The following CGGBP1 variants were observed in gnomAD, a reference collection of about 807,000 sequenced individuals.
The protein encoded by CGGBP1 is CGG triplet repeat binding protein 1.
Under a neutral mutation model 11.4 loss-of-function variants are expected in CGGBP1, and 4 were observed. The ratio of observed to expected loss-of-function variants is 0.35; its 90% confidence interval spans 0.17 to 0.80. CGGBP1 has a LOEUF of 0.80. Among genes scored for constraint, CGGBP1 ranks in the 30% least tolerant of loss-of-function variants. CGGBP1 has a pLI of 0.52. For synonymous variants in CGGBP1, 76 were observed against 74.1 expected (o/e 1.03, Z -0.13); for missense variants, 135 against 202.1 (o/e 0.67, Z 2.01).
At chr3:88,148,848 C>T (rs1337758658) in intron 1 of CGGBP1, among the ~76,000 whole-genome samples, 1 of 152,090 alleles carries the variant, frequency 6.6e-6, no homozygotes, top group Admixed American at 6.5e-5. Flanking sequence ...TTTATGTTGG[C>T]CGGGCTGGTC....
chr3:88,062,528 T>TA (rs1706943142), upstream of CGGBP1, among the ~76,000 whole-genome samples: 1 of 152,204 alleles, frequency 6.6e-6, no homozygotes, highest in Non-Finnish European at 1.5e-5. Flanking sequence ...ATTGTCTGAC[T>TA]TGTTAAGTGC....
intron 2 of CGGBP1, among the ~76,000 whole-genome samples, chr3:88,087,137 G>C (rs1384515578): frequency 1.3e-5 from 2 of 151,954 alleles, no homozygotes; most frequent in African/African-American, 4.8e-5. Flanking sequence ...GGAGTGCAGT[G>C]GTGTGATCTT....
intron 2 of CGGBP1, among the ~76,000 whole-genome samples, chr3:88,099,485 T>C (rs137863273): frequency 0.067 from 10,253 of 152,184 alleles, 476 homozygotes; most frequent in Non-Finnish European, 0.1. Flanking sequence ...ACTTTAAAGC[T>C]CATACGGAAC....
At chr3:88,082,151 G>A (rs1440778600) in intron 2 of CGGBP1, among the ~76,000 whole-genome samples, 1 of 147,664 alleles carries the variant, frequency 6.8e-6, no homozygotes, top group African/African-American at 2.5e-5. Flanking sequence ...TTTTTGAGAT[G>A]GAGTCTCGCT....
chr3:88,067,374 TTAACAGAAG>T (rs1707258120), intron 2 of CGGBP1, among the ~76,000 whole-genome samples: 1 of 152,208 alleles, frequency 6.6e-6, no homozygotes, highest in South Asian at 2.1e-4. Flanking sequence ...ATAGCTGGAC[TTAACAGAAG>T]CCAGAGCTCA....
At chr3:88,126,285 C>G (rs927341911) in intron 2 of CGGBP1, 4 of 1,458,650 alleles carry the variant, frequency 2.7e-6, no homozygotes, top group East Asian at 2.5e-5. Flanking sequence ...TCAGGAGATT[C>G]AAAATCAAAC....
exon 1 of CGGBP1, chr3:88,149,789 C>T (rs1415659612): frequency 1.4e-5 from 6 of 430,536 alleles, no homozygotes; most frequent in Non-Finnish European, 2.6e-5. Context: ...TGCGGATAGT[C>T]TATGTTCTCC....
At chr3:88,123,831 C>T (rs115312628) in intron 2 of CGGBP1, among the ~76,000 whole-genome samples, 15 of 152,214 alleles carry the variant, frequency 9.9e-5, no homozygotes, top group Non-Finnish European at 1.5e-4. Flanking sequence ...TTGATTGGAC[C>T]AAAAGCTAGC....
upstream of CGGBP1, among the ~76,000 whole-genome samples, chr3:88,060,127 TA>T (rs953783262): frequency 2.6e-5 from 4 of 152,278 alleles, no homozygotes; most frequent in Middle Eastern, 0.014. Flanking sequence ...TCTTTTTTTT[TA>T]ACCTCCTTCG....
chr3:88,113,820 ATATCT>A (rs59427021), intron 2 of CGGBP1, among the ~76,000 whole-genome samples: 118,710 of 151,638 alleles, frequency 0.78, 47,379 homozygotes, highest in South Asian at 0.91. Context: ...TACAGACAAC[ATATCT>A]TATATTTGTT....
At chr3:88,064,057 C>A (rs1392884766) in intron 2 of CGGBP1, among the ~76,000 whole-genome samples, 4 of 150,372 alleles carry the variant, frequency 2.7e-5, no homozygotes, top group African/African-American at 9.7e-5. Context: ...GCCTATGATT[C>A]TGTCAGTATG....
rs748246482 is a variant in CGGBP1 at position 88,140,452 on chromosome 3, T to C, written c.-229+518A>G. The C allele has an allele frequency of 3.7e-6, 6 of 1,613,584 alleles. No homozygotes were observed. The Admixed American group carries it at 5.0e-5, about 13-fold the overall frequency. Reference sequence around the variant, plus strand: ...GAGTCTACAGAACCAAAGACATGTATAGAAAGTATGGAAAAGAAAACAGAC... The same window carrying C: ...GAGTCTACAGAACCAAAGACATGTACAGAAAGTATGGAAAAGAAAACAGAC... On this transcript the variant is annotated intron_variant, in intron 2 of 3. Transcript: ENST00000462901.
Position 88,093,732 on chromosome 3 carries a change from G to T in CGGBP1, c.-228-35509C>A, listed in dbSNP as rs115170750. ...AGCATTTATGCCTAGCCTAACTTCAGTCTCTACTCTATAATCAAGTTTTAC... is the reference window on the plus strand; with the variant it reads ...AGCATTTATGCCTAGCCTAACTTCATTCTCTACTCTATAATCAAGTTTTAC... On this transcript the variant is annotated intron_variant, in intron 2 of 3. Transcript: ENST00000462901. 3.2e-3 allele frequency among the ~76,000 whole-genome samples: 485 copies of T among 152,284 alleles called. 2 individuals are homozygous for T. The highest frequency in any genetic ancestry group is 0.011 in the African/African-American group (465 of 41,568).
upstream of CGGBP1, chr3:88,059,348 C>T (rs1225922908): frequency 6.5e-7 from 1 of 1,534,824 alleles, no homozygotes; most frequent in Non-Finnish European, 8.7e-7. Flanking sequence ...GACCAAGAGG[C>T]CGAACGCCTC....
rs780954372 is a variant in CGGBP1 at position 88,055,999 on chromosome 3, T to C, written c.-23A>G. 1.9e-6 allele frequency: 3 copies of C among 1,571,376 alleles called. No homozygotes were observed. Among genetic ancestry groups the C allele is most frequent in the Non-Finnish European group, 2.6e-6 (3 of 1,159,364 alleles). On this transcript the variant is annotated splice_region_variant and 5_prime_UTR_variant, in exon 4 of 4. Coordinates refer to ENST00000482016, the MANE Select transcript of CGGBP1 (RefSeq NM_001008390.2). The surrounding 1 kb of genome is among the most constrained non-coding windows in gnomAD (Gnocchi z 4.2). The stretch of plus-strand genomic sequence containing the variant: ...CATTCTGACTCTAAATAAATATGGT[T>C]CTTTCAAGACAAAAGAAACAAAGAT...
rs1193392478 is a variant in CGGBP1 at position 88,052,072 on chromosome 3, C to G, written c.*3401G>C. ...GTCAGAGACAAAACTTTAGAAGTGA[C>G]ACATTTATACTAAGCATACATGCGT... On this transcript the variant is annotated 3_prime_UTR_variant, in exon 4 of 4. Coordinates refer to ENST00000482016, the MANE Select transcript of CGGBP1 (RefSeq NM_001008390.2). 2.6e-5 allele frequency: 4 copies of G among 152,430 alleles called. No homozygotes were observed. The highest frequency in any genetic ancestry group is 9.7e-5 in the African/African-American group (4 of 41,378). 9.4% of individuals were successfully genotyped at this position (152,430 alleles called of 1,614,324 possible).
chr3:88,148,424 TTAC>T (rs998735873), intron 1 of CGGBP1, among the ~76,000 whole-genome samples: 3 of 152,168 alleles, frequency 2.0e-5, no homozygotes, highest in Non-Finnish European at 2.9e-5. Flanking sequence ...TGTCATCTCT[TTAC>T]TAACAACACT....
At chr3:88,094,140 T>C (rs1046000796) in intron 2 of CGGBP1, among the ~76,000 whole-genome samples, 8 of 151,892 alleles carry the variant, frequency 5.3e-5, no homozygotes, top group Admixed American at 4.6e-4. Flanking sequence ...GTCTTAATTC[T>C]TTTCTCTTAC....
At chr3:88,128,194 GT>G (rs1268427695) in intron 2 of CGGBP1, among the ~76,000 whole-genome samples, 1 of 151,872 alleles carries the variant, frequency 6.6e-6, no homozygotes, top group Non-Finnish European at 1.5e-5. Flanking sequence ...AGCTAATGGT[GT>G]TTATATATTT....
Sources: gnomAD v4.1 joint callset for allele counts (sites outside exome capture counted in the v4.1 genomes callset) on GRCh38, gnomAD v4.1.1 for gene constraint, Gnocchi (gnomAD v3.1) non-coding constraint, MANE v1.5 for transcripts, NCBI Gene and HGNC (gene_info 2026-07-23, HGNC 2026-07-21) for gene names.